Variants in RERE observed in about 807,000 individuals in gnomAD.
RERE encodes the protein arginine-glutamic acid dipeptide repeats, also known as arginine-glutamic acid dipeptide repeats protein.
In RERE, 40 loss-of-function variants were observed where a neutral mutation model predicts 146.1. The observed-to-expected ratio is 0.27, with a 90% CI of 0.21 to 0.36. RERE has a LOEUF of 0.36. Ranked by LOEUF, RERE falls within the 10% of genes least tolerant of loss-of-function variation. The pLI, the probability that RERE is intolerant of heterozygous loss-of-function variation, is 1.00. For synonymous variants in RERE, 1,003 were observed against 866.0 expected, an observed-to-expected ratio of 1.16 and a Z score of -2.78; for missense variants, 1,933 against 2,138.7, an observed-to-expected ratio of 0.90 and a Z score of 1.90.
chr1:8,357,868 G>T (rs569640314), intron 20 of RERE, among the ~76,000 whole-genome samples: 1 of 152,234 alleles, frequency 6.6e-6, no homozygotes, highest in Non-Finnish European at 1.5e-5. Context: ...GGCTCCAAAG[G>T]CCACATGACA....
chr1:8,505,431 G>A (rs1478862477), intron 8 of RERE, among the ~76,000 whole-genome samples: 2 of 152,178 alleles, frequency 1.3e-5, no homozygotes, highest in East Asian at 3.8e-4. Flanking sequence ...AAATGAAATG[G>A]GTTTGACTAG....
chr1:8,457,070 T>C (rs1352177527), intron 11 of RERE, among the ~76,000 whole-genome samples: 1 of 152,190 alleles, frequency 6.6e-6, no homozygotes, highest in Non-Finnish European at 1.5e-5. Flanking sequence ...TCTACCAATA[T>C]TTCCAGAATG....
intron 1 of RERE, among the ~76,000 whole-genome samples, chr1:8,787,335 A>T (rs1436997725): frequency 2.0e-5 from 3 of 152,150 alleles, no homozygotes; most frequent in Non-Finnish European, 4.4e-5. Flanking sequence ...TTAAAATGGT[A>T]CCATCCGTAC....
chr1:8,361,361 G>A lies in RERE; in HGVS notation c.2146C>T (p.Pro716Ser). 2 of 1,613,704 alleles carry A rather than the reference G, an allele frequency of 1.2e-6. No homozygotes were observed. Among genetic ancestry groups the A allele is most frequent in the Non-Finnish European group, 1.7e-6 (2 of 1,179,810 alleles). Residue 716 changes from proline (P) to serine (S), a missense_variant, in exon 18 of 23, where the codon CCC (proline) becomes TCC (serine). By Grantham distance (74) the Pro-to-Ser change is moderately conservative. Around this residue, in one of 11 missense-constraint regions of RERE, gnomAD observed 1,255 missense variants for 1,153.8 expected, o/e 1.09. Coordinates refer to ENST00000400908, the MANE Select transcript of RERE (RefSeq NM_001042681.2). ...TCACTCTCATTGTCCTGGGGGCTGG[G>A]GATGCTCGGGGACGTGCTGCGATTG... ...QDNRSTSPSI[P>S]SPQDNESDSD...
intron 2 of RERE, among the ~76,000 whole-genome samples, chr1:8,633,434 C>T (rs575833624): frequency 2.0e-5 from 3 of 151,904 alleles, no homozygotes; most frequent in Non-Finnish European, 4.4e-5. Context: ...TAAACACGCA[C>T]GTGCGCACGC....
chr1:8,736,851 GAAAAAAAA>G (rs34872965), intron 1 of RERE, among the ~76,000 whole-genome samples: 32 of 99,796 alleles, frequency 3.2e-4, no homozygotes, highest in Admixed American at 3.1e-4. Context: ...AAGCAAGGGG[GAAAAAAAA>G]AAAAAAAAAA....
intron 1 of RERE, among the ~76,000 whole-genome samples, chr1:8,700,038 G>A (rs1639413599): frequency 6.6e-6 from 1 of 152,180 alleles, no homozygotes; most frequent in African/African-American, 2.4e-5. Flanking sequence ...CAGGCGCAGT[G>A]GCTCATGCCT....
Position 8,588,199 on chromosome 1 carries a change from A to C in RERE, c.522+26362T>G, listed in dbSNP as rs181472118. On this transcript the variant is annotated intron_variant, in intron 4 of 22. Transcript: ENST00000400908. ...TTCTTCATGCAGTATTTATTTAATAAATGCTGGCTGAATTTAATAAAAACA... is the reference window on the plus strand; with the variant it reads ...TTCTTCATGCAGTATTTATTTAATACATGCTGGCTGAATTTAATAAAAACA... Among the ~76,000 whole-genome samples, 376 of 152,344 alleles carry C rather than the reference A, an allele frequency of 2.5e-3. 2 individuals carry two copies. Among genetic ancestry groups the C allele is most frequent in the Non-Finnish European group, 3.7e-3 (249 of 68,034 alleles).
intron 1 of RERE, among the ~76,000 whole-genome samples, chr1:8,766,530 C>T (rs6577521): frequency 6.9e-6 from 1 of 144,866 alleles, no homozygotes; most frequent in African/African-American, 2.6e-5. Flanking sequence ...CTAGGCAACA[C>T]AGCAAGACTC....
At chr1:8,607,622 T>C (rs1646737242) in intron 4 of RERE, among the ~76,000 whole-genome samples, 1 of 141,876 alleles carries the variant, frequency 7.0e-6, no homozygotes, top group South Asian at 2.4e-4. Context: ...CTTGGCTCAC[T>C]GTAACCTTGA....
chr1:8,420,992 A>C (rs1244375559), intron 12 of RERE, among the ~76,000 whole-genome samples: 1 of 152,276 alleles, frequency 6.6e-6, no homozygotes, highest in Non-Finnish European at 1.5e-5. Flanking sequence ...GGTTACTCAC[A>C]TCTGCTTCCA....
chr1:8,675,375 A>C (rs1638810641), intron 1 of RERE, among the ~76,000 whole-genome samples: 1 of 151,882 alleles, frequency 6.6e-6, no homozygotes, highest in African/African-American at 2.4e-5. Flanking sequence ...TGTGCAGAAA[A>C]GGCCCAGAAT....
At chr1:8,398,805 A>G (rs1228539083) in intron 12 of RERE, among the ~76,000 whole-genome samples, 1 of 152,236 alleles carries the variant, frequency 6.6e-6, no homozygotes, top group South Asian at 2.1e-4. Flanking sequence ...AAAATTTGCT[A>G]TTTTTACAGG....
intron 2 of RERE, among the ~76,000 whole-genome samples, chr1:8,641,810 C>G (rs1405541269): frequency 1.3e-5 from 2 of 152,182 alleles, no homozygotes; most frequent in Admixed American, 6.5e-5. Context: ...TTAAGTAATT[C>G]ACTGTCTTTC....
At chr1:8,387,714 G>A (rs1441195013) in intron 12 of RERE, among the ~76,000 whole-genome samples, 1 of 152,118 alleles carries the variant, frequency 6.6e-6, no homozygotes, top group East Asian at 1.9e-4. Flanking sequence ...TGGAAACCAG[G>A]GAAATACAAA....
intron 1 of RERE, among the ~76,000 whole-genome samples, chr1:8,704,502 T>C (rs1483801280): frequency 2.0e-5 from 3 of 152,214 alleles, no homozygotes; most frequent in Non-Finnish European, 4.4e-5. Flanking sequence ...TTAATTAGAC[T>C]TTCCAAGGCC....
In RERE at chr1:8,557,451, G is replaced by T; in HGVS notation, c.595C>A (p.Gln199Lys). 1.2e-6 allele frequency: 2 copies of T among 1,612,134 alleles called. No homozygotes were observed. Among genetic ancestry groups the T allele is most frequent in the Non-Finnish European group, 1.7e-6 (2 of 1,178,212 alleles). Reference sequence around the variant, plus strand: ...TTATGTCGATCCTGAACCAAATGCTGATACACAGAATCTGGAACCTCAGAT... The same window carrying T: ...TTATGTCGATCCTGAACCAAATGCTTATACACAGAATCTGGAACCTCAGAT... ...RQSEVPDSVY[Q>K]HLVQDRHNEN... Residue 199 changes from glutamine (Q) to lysine (K), a missense_variant, in exon 5 of 23, where the codon CAG becomes AAG. Coordinates refer to ENST00000400908, the MANE Select transcript of RERE (RefSeq NM_001042681.2).
chr1:8,764,434 A>G (rs1355361925), intron 1 of RERE, among the ~76,000 whole-genome samples: 1 of 152,220 alleles, frequency 6.6e-6, no homozygotes, highest in Non-Finnish European at 1.5e-5. Flanking sequence ...AAAAACAAAA[A>G]AAAGCTACAG....
intron 4 of RERE, among the ~76,000 whole-genome samples, chr1:8,564,116 C>G (rs1309963303): frequency 6.6e-6 from 1 of 152,144 alleles, no homozygotes; most frequent in Non-Finnish European, 1.5e-5. Context: ...ACCTTGGGGA[C>G]ACAGTCATAA....
Sources: gnomAD v4.1 joint callset for allele counts (sites outside exome capture counted in the v4.1 genomes callset) on GRCh38, gnomAD v4.1.1 for gene constraint, gnomAD v4.1.1 regional missense constraint, MANE v1.5 for transcripts, NCBI Gene and HGNC (gene_info 2026-07-23, HGNC 2026-07-21) for gene names.